Variants in PKM observed in about 807,000 individuals in gnomAD.
PKM encodes pyruvate kinase M1/2.
In PKM, 18 loss-of-function variants were observed where a neutral mutation model predicts 49.8. The ratio of observed to expected loss-of-function variants is 0.36; its 90% CI spans 0.25 to 0.54. The LOEUF (loss-of-function observed/expected upper bound fraction) is 0.54. PKM is among the 20% of genes least tolerant of loss of function. The pLI, the probability that PKM is intolerant of heterozygous loss-of-function variation, is 0.89. For missense variants in PKM, 508 were observed against 713.8 expected (o/e 0.71, Z 3.28); for synonymous variants, 239 against 261.8 (o/e 0.91, Z 0.84).
At chr15:72,208,924 G>A (rs914694547) in intron 5 of PKM, 33 bp from the exon 6 acceptor site, 1 of 1,602,302 alleles carries the variant, frequency 6.2e-7, no homozygotes, top group Non-Finnish European at 8.5e-7. Flanking sequence ...GGGAGGCAGA[G>A]CACGAGGGCA....
intron 2 of PKM, among the ~76,000 whole-genome samples, chr15:72,218,721 A>AT: frequency 6.6e-6 from 1 of 151,616 alleles, no homozygotes; most frequent in South Asian, 2.1e-4. Flanking sequence ...TCGCCATCTT[A>AT]GCAATTTTGA....
intron 1 of PKM, 140 bp from the exon 2 acceptor site, chr15:72,219,250 T>C: frequency 1.4e-6 from 1 of 724,550 alleles, no homozygotes; most frequent in Non-Finnish European, 2.3e-6. Flanking sequence ...CCAGACATGA[T>C]CTGGTTATGT....
At chr15:72,203,420 T>C in intron 8 of PKM, 1 of 560,888 alleles carries the variant, frequency 1.8e-6, no homozygotes, top group Non-Finnish European at 3.2e-6. Context: ...TCTTCCCTTC[T>C]GGAAGGATTT....
intron 4 of PKM, 95 bp from the exon 5 acceptor site, chr15:72,209,954 A>G: frequency 9.7e-6 from 10 of 1,028,372 alleles, no homozygotes; most frequent in Admixed American, 1.7e-5. Flanking sequence ...CCCGGGAACA[A>G]TGCTCAAGTC....
At chr15:72,230,019 C>G (rs887140328) in intron 1 of PKM, among the ~76,000 whole-genome samples, 2 of 152,182 alleles carry the variant, frequency 1.3e-5, no homozygotes, top group Non-Finnish European at 2.9e-5. Flanking sequence ...AGAGGTTTAT[C>G]CCGCCCGTTA....
intron 3 of PKM, among the ~76,000 whole-genome samples, chr15:72,212,219 G>A (rs1052321918): frequency 4.6e-5 from 7 of 152,310 alleles, no homozygotes; most frequent in African/African-American, 1.7e-4. Flanking sequence ...GCTCACACCT[G>A]TCATCTAAAC....
Position 72,206,745 on chromosome 15 carries a change from C to T in PKM, c.1123G>A (p.Val375Met), listed in dbSNP as rs776317903. ...TAKGDYPLEA[V>M]RMQHLIAREA... The stretch of plus-strand genomic sequence containing the variant: ...GAACTCACCAGGTGCTGCATGCGCA[C>T]AGCCTCCAGAGGATAGTCCCCTTTG... The change falls in exon 8 of 11, where the codon GTG becomes ATG. Residue 375 changes from valine (V) to methionine (M), a missense_variant. Transcript: ENST00000335181. The T allele has an allele frequency of 1.9e-6, 3 of 1,613,354 alleles. No individual in the cohort carries two copies. In the Admixed American group the frequency reaches 5.0e-5, roughly 27 times the overall value.
intron 6 of PKM, among the ~76,000 whole-genome samples, chr15:72,207,955 G>A (rs947143316): frequency 1.5e-4 from 23 of 152,238 alleles, no homozygotes; most frequent in Middle Eastern, 3.2e-3. Flanking sequence ...TCTTAGTTGT[G>A]CTGAGTTGTA....
intron 1 of PKM, chr15:72,228,731 G>T (rs887352596): frequency 1.4e-6 from 1 of 702,514 alleles, no homozygotes. Flanking sequence ...GGCCACCAAA[G>T]GGCAAATTAT....
chr15:72,213,334 G>A (rs919188358), intron 3 of PKM, among the ~76,000 whole-genome samples: 5 of 152,180 alleles, frequency 3.3e-5, no homozygotes, highest in African/African-American at 1.2e-4. Context: ...AACACAGTGG[G>A]AAGATTTCTA....
At chr15:72,230,747 G>A in intron 1 of PKM, 1 of 352,204 alleles carries the variant, frequency 2.8e-6, no homozygotes, top group Non-Finnish European at 5.6e-6. Flanking sequence ...AACAGGCGGC[G>A]CGGAGAAAGG....
At chr15:72,218,428 T>C (rs953771150) in intron 2 of PKM, among the ~76,000 whole-genome samples, 6 of 151,182 alleles carry the variant, frequency 4.0e-5, no homozygotes, top group Admixed American at 3.3e-4. Context: ...GCCCGGACAA[T>C]TTTTTTTTCT....
chr15:72,215,933 A>G (rs1253605291), intron 3 of PKM, among the ~76,000 whole-genome samples: 1 of 152,160 alleles, frequency 6.6e-6, no homozygotes, highest in African/African-American at 2.4e-5. Context: ...GAATTTTCCA[A>G]AAGGTACAGG....
In PKM at chr15:72,231,173, C is replaced by G; in HGVS notation, c.-71G>C. 3.5e-6 allele frequency: 1 copy of G among 284,346 alleles called. No individual in the cohort carries two copies. Among genetic ancestry groups the G allele is most frequent in the African/African-American group, 2.2e-5 (1 of 44,912 alleles). 17.6% of individuals were successfully genotyped at this position (284,346 alleles called of 1,614,324 possible). A position where few individuals can be genotyped will look rare whatever the true frequency, so the allele number is the denominator to read the frequency against. On this transcript the variant is annotated 5_prime_UTR_variant, in exon 1 of 11. Coordinates refer to ENST00000335181, the MANE Select transcript of PKM (RefSeq NM_002654.6). ...AAGACGAAGAGATCCGGAGCCACGG[C>G]GCGTGCAGCTGCTGTGCAAGGAGCC...
intron 1 of PKM, among the ~76,000 whole-genome samples, chr15:72,228,079 G>T (rs1341600849): frequency 6.6e-6 from 1 of 152,174 alleles, no homozygotes; most frequent in Non-Finnish European, 1.5e-5. Flanking sequence ...GCTAAAATAT[G>T]AATACAACAT....
At chr15:72,208,293 T>C (rs1204776893) in intron 6 of PKM, among the ~76,000 whole-genome samples, 1 of 152,100 alleles carries the variant, frequency 6.6e-6, no homozygotes, top group East Asian at 1.9e-4. Flanking sequence ...ACTGGTAGTG[T>C]TTCTGATCAG....
rs1012819100 is a variant in PKM at position 72,200,019 on chromosome 15, C to G, written c.1490-263G>C. Among the ~76,000 whole-genome samples the G allele has an allele frequency of 1.3e-5, 2 of 152,156 alleles. No homozygotes were observed. Among genetic ancestry groups the G allele is most frequent in the Non-Finnish European group, 2.9e-5 (2 of 68,024 alleles). On this transcript the variant is annotated intron_variant, in intron 10 of 10. Transcript: ENST00000335181. This position sits in a 1 kb window ranked among gnomAD's most constrained non-coding sequence, Gnocchi z 4.6. ...TGCAAAGCCTTGCCCAGGGTCAGAG[C>G]TAGCTGCTTCCTGTCATCTGATGAT... is the stretch of plus-strand genomic sequence containing the variant.
chr15:72,199,049 T>C lies in PKM; in HGVS notation c.*601A>G, dbSNP rs1015873439. ...AAACAGGTGCTTCAGCTGTTGTTTA[T>C]TGACATACAGGTAGGCTCTATAGCA... On this transcript the variant is annotated 3_prime_UTR_variant, in exon 11 of 11. Coordinates refer to ENST00000335181, the MANE Select transcript of PKM (RefSeq NM_002654.6). 2.0e-5 allele frequency: 4 copies of C among 196,996 alleles called. No individual in the cohort carries two copies. The highest frequency in any genetic ancestry group is 1.5e-4 in the East Asian group (1 of 6,756). The allele number at this position is 196,996 out of a possible 1,614,324, so 12.2% of individuals were successfully genotyped here.
Position 72,199,794 on chromosome 15 carries a change from A to G in PKM, c.1490-38T>C, listed in dbSNP as rs753814144. The stretch of plus-strand genomic sequence containing the variant: ...AAGGGAGGTTGGTGAGTAAAAGCCA[A>G]GCCAGGCAGGTTTGCACCTGGGCAG... On this transcript the variant is annotated intron_variant, in intron 10 of 10. Coordinates refer to ENST00000335181, the MANE Select transcript of PKM (RefSeq NM_002654.6). The G allele has an allele frequency of 5.3e-5, 78 of 1,473,684 alleles. 2 individuals are homozygous for G. The South Asian group carries it at 7.5e-4, about 14-fold the overall frequency. 91.3% of individuals were successfully genotyped at this position (1,473,684 alleles called of 1,614,324 possible).
Sources: allele counts gnomAD v4.1 joint callset (sites outside exome capture counted in the v4.1 genomes callset), GRCh38; gene constraint gnomAD v4.1.1; non-coding constraint Gnocchi (gnomAD v3.1); transcripts MANE v1.5; gene names NCBI Gene and HGNC (gene_info 2026-07-23, HGNC 2026-07-21).